Variants in SLCO1B3 observed in about 807,000 individuals in gnomAD.
SLCO1B3 encodes the protein liver-specific organic anion transporter 2.
SLCO1B3 carries 72 observed loss-of-function variants against 71.8 expected under a neutral mutation model. The observed-to-expected ratio is 1.00, with a 90% confidence interval of 0.83 to 1.22. The LOEUF is 1.22. SLCO1B3 is among the 50% of genes most tolerant of loss of function. The pLI, the probability that SLCO1B3 is intolerant of heterozygous loss-of-function variation, is 0.00. For synonymous variants in SLCO1B3, 298 were observed against 278.4 expected (o/e 1.07, Z -0.70); for missense variants, 911 against 819.7 (o/e 1.11, Z -1.36).
chr12:20,837,912 A>G (rs1269730068), intron 3 of SLCO1B3, among the ~76,000 whole-genome samples: 2 of 152,036 alleles, frequency 1.3e-5, no homozygotes, highest in Non-Finnish European at 2.9e-5. Flanking sequence ...TTCCCTTCCC[A>G]CAGAGGAGTA....
intron 1 of SLCO1B3, among the ~76,000 whole-genome samples, chr12:20,813,195 T>G (rs927111543): frequency 5.9e-5 from 9 of 152,234 alleles, no homozygotes; most frequent in African/African-American, 2.2e-4. Context: ...CCACTAAATA[T>G]GCATGATATA....
At chr12:20,856,839 C>T (rs930690917) in intron 4 of SLCO1B3, among the ~76,000 whole-genome samples, 8 of 152,160 alleles carry the variant, frequency 5.3e-5, no homozygotes, top group African/African-American at 1.7e-4. Context: ...AGATTACAGA[C>T]GTGACCCTCC....
chr12:20,840,196 C>A (rs1864765885), intron 3 of SLCO1B3, among the ~76,000 whole-genome samples: 1 of 151,976 alleles, frequency 6.6e-6, no homozygotes, highest in South Asian at 2.1e-4. Context: ...GTGTTATTTG[C>A]CTTTTAGGTG....
Position 20,860,303 on chromosome 12 carries a change from A to G in SLCO1B3, c.360-714A>G, listed in dbSNP as rs557519714. On this transcript the variant is annotated intron_variant, in intron 5 of 15. Coordinates refer to ENST00000381545, the MANE Select transcript of SLCO1B3 (RefSeq NM_019844.4). ...TGTGTGACAACCCAGGACCTTGTAT[A>G]TTAAATTTACTATATCTTCGATCAT... Among the ~76,000 whole-genome samples, 3 of 152,240 alleles carry G rather than the reference A, an allele frequency of 2.0e-5. No homozygotes were observed. The South Asian group carries it at 6.2e-4, about 32-fold the overall frequency.
chr12:20,898,295 G>A, intron 13 of SLCO1B3, 141 bp from the exon 14 acceptor site: 1 of 569,906 alleles, frequency 1.8e-6, no homozygotes, highest in Non-Finnish European at 3.2e-6. Context: ...AGTTGAAAAT[G>A]TAACTTTATA....
intron 8 of SLCO1B3, 150 bp from the exon 9 acceptor site, chr12:20,875,085 G>A: frequency 9.4e-7 from 1 of 1,060,490 alleles, no homozygotes; most frequent in Non-Finnish European, 1.4e-6. Context: ...AACAAAATAT[G>A]AAAAGAAGAA....
At chr12:20,908,479 C>T (rs1591793384) in intron 15 of SLCO1B3, among the ~76,000 whole-genome samples, 2 of 152,134 alleles carry the variant, frequency 1.3e-5, no homozygotes, top group East Asian at 1.9e-4. Context: ...AACCACCACT[C>T]CACTATCATA....
intron 9 of SLCO1B3, among the ~76,000 whole-genome samples, chr12:20,876,769 C>T (rs1218201875): frequency 5.3e-5 from 8 of 152,152 alleles, no homozygotes; most frequent in Middle Eastern, 6.8e-3. Context: ...CTAAAAACAG[C>T]GTATCAAGGA....
intron 3 of SLCO1B3, among the ~76,000 whole-genome samples, chr12:20,834,669 A>G (rs1864634831): frequency 6.6e-6 from 1 of 151,962 alleles, no homozygotes; most frequent in South Asian, 2.1e-4. Context: ...CTGATGCAAG[A>G]GGTGGGTCCC....
In SLCO1B3 at chr12:20,875,410, A is replaced by G; in HGVS notation, c.903A>G (p.Thr301=). Residue 301 remains threonine (T), a synonymous_variant, in exon 9 of 16, where the codon ACA becomes ACG. Transcript: ENST00000381545. The part of the protein sequence containing the change: ...KISLSLHVLK[T]NDDRNQTANL... ...CACTATCATTGCATGTGCTGAAAAC[A>G]AATGATGATAGAAATCAAACAGCTA... The G allele has an allele frequency of 6.2e-7, 1 of 1,607,992 alleles. No individual in the cohort carries two copies. Among genetic ancestry groups the G allele is most frequent in the East Asian group, 2.2e-5 (1 of 44,840 alleles).
At chr12:20,829,799 G>T (rs1412753928) in intron 3 of SLCO1B3, among the ~76,000 whole-genome samples, 1 of 152,156 alleles carries the variant, frequency 6.6e-6, no homozygotes, top group Non-Finnish European at 1.5e-5. Context: ...TAAACAAGGG[G>T]TGGATTATTC....
chr12:20,839,262 C>G (rs528871839), intron 3 of SLCO1B3, among the ~76,000 whole-genome samples: 1 of 151,998 alleles, frequency 6.6e-6, no homozygotes, highest in African/African-American at 2.4e-5. Context: ...CAGTGTCTCT[C>G]TGTTTTTATG....
intron 15 of SLCO1B3, among the ~76,000 whole-genome samples, chr12:20,913,974 G>A (rs536714334): frequency 1.8e-4 from 27 of 152,214 alleles, no homozygotes. Context: ...CTGTTGCCCA[G>A]TCTGGTCTCA....
intron 2 of SLCO1B3, among the ~76,000 whole-genome samples, chr12:20,814,981 CT>C (rs71039997): frequency 0.25 from 21,912 of 89,240 alleles, 1,644 homozygotes; most frequent in African/African-American, 0.34. Context: ...CTTTTCTTTT[CT>C]TTTTTTTTTT....
intron 15 of SLCO1B3, among the ~76,000 whole-genome samples, chr12:20,908,902 C>T (rs1228482322): frequency 6.6e-6 from 1 of 152,130 alleles, no homozygotes; most frequent in Non-Finnish European, 1.5e-5. Context: ...TGTGTCAACA[C>T]CAAAGTGCAA....
chr12:20,855,105 A>G lies in SLCO1B3; in HGVS notation c.162A>G (p.Gln54=), dbSNP rs117554616. The G allele has an allele frequency of 2.9e-5, 46 of 1,612,118 alleles. No homozygotes were observed. The highest frequency in any genetic ancestry group is 3.6e-5 in the Non-Finnish European group (42 of 1,179,098). ...GGIIMKISIT[Q]IERRFDISSS... ...TCATTATGAAAATTTCCATCACTCA[A>G]ATAGAAAGGAGATTTGACATATCCT... Residue 54 remains glutamine, a synonymous_variant, in exon 4 of 16, where the codon CAA becomes CAG. Coordinates refer to ENST00000381545, the MANE Select transcript of SLCO1B3 (RefSeq NM_019844.4).
intron 2 of SLCO1B3, 26 bp from the exon 3 acceptor site, chr12:20,815,648 A>G: frequency 2.5e-6 from 2 of 804,752 alleles, no homozygotes; most frequent in Non-Finnish European, 4.1e-6. Context: ...AAAGTAAAAT[A>G]AATTATACTT....
At chr12:20,909,364 A>C (rs1462659821) in intron 15 of SLCO1B3, among the ~76,000 whole-genome samples, 5 of 148,242 alleles carry the variant, frequency 3.4e-5, no homozygotes, top group African/African-American at 1.2e-4. Context: ...TAGTAGAGAC[A>C]GGGTTTCGCC....
intron 3 of SLCO1B3, among the ~76,000 whole-genome samples, chr12:20,818,693 T>C (rs1244298142): frequency 6.6e-6 from 1 of 152,244 alleles, no homozygotes; most frequent in East Asian, 1.9e-4. Flanking sequence ...AGAGGCGGGC[T>C]AGTGGCTTGT....
Sources: gnomAD v4.1 joint callset for allele counts (sites outside exome capture counted in the v4.1 genomes callset) on GRCh38, gnomAD v4.1.1 for gene constraint, MANE v1.5 for transcripts, NCBI Gene and HGNC (gene_info 2026-07-23, HGNC 2026-07-21) for gene names.